The following ART1 variants were observed in gnomAD, a reference collection of about 807,000 sequenced individuals.
ART1 encodes ADP-ribosyltransferase 1, also known as GPI-linked NAD(P)(+)--arginine ADP-ribosyltransferase 1.
ART1 carries 29 observed loss-of-function variants against 27.0 expected under a neutral mutation model. That is an observed-to-expected ratio of 1.08 (90% CI 0.80 to 1.47). The LOEUF (loss-of-function observed/expected upper bound fraction) is 1.47, where lower values mean the gene tolerates loss of function less well. ART1 is among the 40% of genes most tolerant of loss of function. ART1 has a pLI of 0.00. For synonymous variants in ART1, 201 were observed against 172.2 expected (o/e 1.17, Z -1.31); for missense variants, 480 against 423.0 (o/e 1.13, Z -1.18).
chr11:3,649,191 C>G (rs1168143370), intron 1 of ART1, among the ~76,000 whole-genome samples: 1 of 152,158 alleles, frequency 6.6e-6, no homozygotes, highest in African/African-American at 2.4e-5. Context: ...GTTCCTCCGT[C>G]TCCCTTAGCC....
At chr11:3,658,809 C>A (rs1333820133) in intron 1 of ART1, among the ~76,000 whole-genome samples, 2 of 152,198 alleles carry the variant, frequency 1.3e-5, no homozygotes, top group African/African-American at 4.8e-5. Flanking sequence ...TCCTACCCCG[C>A]AAGCTCTGCC....
At chr11:3,645,253 C>A (rs962017563) in intron 1 of ART1, 74 bp downstream of exon 1, 1 of 151,922 alleles carries the variant, frequency 6.6e-6, no homozygotes, top group Non-Finnish European at 1.5e-5. Flanking sequence ...GGGAGATGAA[C>A]GGTGGAATTT....
Position 3,645,159 on chromosome 11 carries a change from C to T in ART1, c.-73C>T, listed in dbSNP as rs1462339302. ...CATGGTGGAGATCAGCAGCAGCTTC[C>T]CCACCCAGGACAAGGCCTAGGTAAG... On this transcript the variant is annotated 5_prime_UTR_variant, in exon 1 of 5. Transcript: ENST00000250693. 1 of 152,026 alleles carries T rather than the reference C, an allele frequency of 6.6e-6. No individual in the cohort carries two copies. The highest frequency in any genetic ancestry group is 6.6e-5 in the Admixed American group (1 of 15,264). 9.4% of individuals were successfully genotyped at this position (152,026 alleles called of 1,614,324 possible).
chr11:3,656,308 C>A (rs2077573836), intron 1 of ART1, among the ~76,000 whole-genome samples: 1 of 152,156 alleles, frequency 6.6e-6, no homozygotes, highest in Non-Finnish European at 1.5e-5. Flanking sequence ...CTTCAGCCTG[C>A]CGAGTTGTTG....
intron 2 of ART1, 108 bp downstream of exon 2, chr11:3,659,384 CT>C: frequency 6.6e-7 from 1 of 1,515,854 alleles, no homozygotes; most frequent in Non-Finnish European, 9.1e-7. Context: ...GACGCTTCCC[CT>C]GGGGATCACT....
At position 3,661,536 on chromosome 11, in the gene ART1, C is replaced by G. The variant is rs1425332136; in HGVS notation, c.886+123C>G. The G allele has an allele frequency of 5.4e-6, 4 of 739,638 alleles. No homozygotes were observed. The African/African-American group carries it at 7.6e-5, about 14-fold the overall frequency. The allele number at this position is 739,638 out of a possible 1,614,324, so 45.8% of individuals were successfully genotyped here. On this transcript the variant is annotated intron_variant, in intron 4 of 4. Transcript: ENST00000250693. ...TGAGACAGAGTTTCACTCTTGTTGCCCAGGCTGGAGTGCAATGGCACAATC... is the reference window on the plus strand; with the variant it reads ...TGAGACAGAGTTTCACTCTTGTTGCGCAGGCTGGAGTGCAATGGCACAATC...
intron 1 of ART1, among the ~76,000 whole-genome samples, chr11:3,645,465 T>A (rs779367378): frequency 1.1e-4 from 16 of 152,022 alleles, no homozygotes; most frequent in Non-Finnish European, 2.4e-4. Flanking sequence ...GAAGCGCAGC[T>A]CCCTTGGGCT....
intron 1 of ART1, among the ~76,000 whole-genome samples, chr11:3,654,716 T>C (rs2077555254): frequency 1.6e-5 from 1 of 63,786 alleles, no homozygotes; most frequent in Non-Finnish European, 3.0e-5. Flanking sequence ...ACATCAAGTC[T>C]TGTAAATTCC....
At position 3,660,263 on chromosome 11, in the gene ART1, C is replaced by T. The variant is rs753529163; in HGVS notation, c.744C>T (p.Thr248=). 6.2e-7 allele frequency: 1 copy of T among 1,613,152 alleles called. No homozygotes were observed. The highest frequency in any genetic ancestry group is 8.5e-7 in the Non-Finnish European group (1 of 1,180,018). The change falls in exon 3 of 5, where the codon ACC becomes ACT. Residue 248 remains threonine (T), a synonymous_variant. Transcript: ENST00000250693. ...EEEVLIPPFE[T]FQVINASRLA... ...AGGTGCTGATCCCCCCCTTTGAGAC[C>T]TTCCAAGTGATCAATGCCAGCAGAC...
intron 1 of ART1, among the ~76,000 whole-genome samples, chr11:3,656,181 G>T (rs1401136485): frequency 6.6e-6 from 1 of 151,178 alleles, no homozygotes; most frequent in Non-Finnish European, 1.5e-5. Context: ...TGATCCACCC[G>T]CCTTGGCCTC....
rs2077641153 is a variant in ART1 at position 3,663,900 on chromosome 11, A to G, written c.887-192A>G. 13 of 578,534 alleles carry G rather than the reference A, an allele frequency of 2.2e-5. No individual in the cohort carries two copies. The South Asian group carries it at 2.7e-4, about 12-fold the overall frequency. 35.8% of individuals were successfully genotyped at this position (578,534 alleles called of 1,614,324 possible). Reference sequence around the variant, plus strand: ...TAATAAGTTCTGATAACCCATTACCATTGGACCAGCTCCTCCCTAAACTTG... The same window carrying G: ...TAATAAGTTCTGATAACCCATTACCGTTGGACCAGCTCCTCCCTAAACTTG... On this transcript the variant is annotated intron_variant, in intron 4 of 4. Coordinates refer to ENST00000250693, the MANE Select transcript of ART1 (RefSeq NM_004314.3).
In ART1 at chr11:3,653,496, C is replaced by A. The variant is rs568670466; in HGVS notation, c.-52-5666C>A. Among the ~76,000 whole-genome samples the A allele has an allele frequency of 1.2e-4, 18 of 150,918 alleles. No homozygotes were observed. In the East Asian group the frequency reaches 1.9e-3, roughly 16 times the overall value. On this transcript the variant is annotated intron_variant, in intron 1 of 4. Coordinates refer to ENST00000250693, the MANE Select transcript of ART1 (RefSeq NM_004314.3). ...TTGACTGTAATTTTCCTTTATCTAC[C>A]CAAATCCTATAAAACGGACCCACCC...
Position 3,647,725 on chromosome 11 carries a change from C to T in ART1, c.-53+2546C>T, listed in dbSNP as rs562556315. Among the ~76,000 whole-genome samples, 9 of 151,860 alleles carry T rather than the reference C, an allele frequency of 5.9e-5. No homozygotes were observed. The South Asian group carries it at 1.7e-3, about 28-fold the overall frequency. On this transcript the variant is annotated intron_variant, in intron 1 of 4. Transcript: ENST00000250693. ...TGGAAGTGATGAACATGTTTATTCC[C>T]TTGATTGTGGGAATGGTAACATGAG...
At chr11:3,647,896 A>C (rs1332966096) in intron 1 of ART1, among the ~76,000 whole-genome samples, 1 of 152,134 alleles carries the variant, frequency 6.6e-6, no homozygotes, top group Non-Finnish European at 1.5e-5. Flanking sequence ...CAGTCATGTA[A>C]GAATGGTGGA....
intron 1 of ART1, among the ~76,000 whole-genome samples, chr11:3,649,232 C>T (rs1368835165): frequency 6.6e-6 from 1 of 152,180 alleles, no homozygotes; most frequent in Non-Finnish European, 1.5e-5. Context: ...ACCTCTTCAA[C>T]TCACACCTGA....
chr11:3,662,583 G>A (rs1400587883), intron 4 of ART1, among the ~76,000 whole-genome samples: 2 of 152,198 alleles, frequency 1.3e-5, no homozygotes, highest in Non-Finnish European at 2.9e-5. Context: ...GGTGGCTCAC[G>A]CCTGTAATCC....
rs1267312465 is a variant in ART1 at position 3,659,614 on chromosome 11, T to G, written c.95T>G (p.Leu32Arg). ...AGCCACCCCATCACACGACGAGACC[T>G]CTTCTCTCAAGAGATTCAGCTGGAC... is the stretch of plus-strand genomic sequence containing the variant. ...AQSHPITRRD[L>R]FSQEIQLDMA... is the part of the protein sequence containing the mutation. The change falls in exon 3 of 5, where the codon CTC (leucine) becomes CGC (arginine). Residue 32 changes from leucine (L) to arginine (R), a missense_variant. Transcript: ENST00000250693. 2.5e-6 allele frequency: 4 copies of G among 1,611,078 alleles called. No individual in the cohort carries two copies. The highest frequency in any genetic ancestry group is 3.4e-6 in the Non-Finnish European group (4 of 1,179,204).
rs200211996 is a variant in ART1 at position 3,659,949 on chromosome 11, C to G, written c.430C>G (p.His144Asp). The change falls in exon 3 of 5, where the codon CAC (histidine) becomes GAC (aspartate). Residue 144 changes from histidine (H) to aspartate (D), a missense_variant. Coordinates refer to ENST00000250693, the MANE Select transcript of ART1 (RefSeq NM_004314.3). Reference protein sequence around the residue: ...AVREAGRSRAHYLHHFSFKTL... With the variant: ...AVREAGRSRADYLHHFSFKTL... ...GCGTGAGGCGGGCCGCTCCCGGGCC[C>G]ACTACCTCCACCACTTCTCCTTCAA... 177 of 1,613,748 alleles carry G rather than the reference C, an allele frequency of 1.1e-4. No homozygotes were observed. The highest frequency in any genetic ancestry group is 1.4e-4 in the Non-Finnish European group (161 of 1,179,934).
intron 1 of ART1, among the ~76,000 whole-genome samples, chr11:3,651,545 G>A (rs2077521743): frequency 6.8e-6 from 1 of 147,546 alleles, no homozygotes; most frequent in Non-Finnish European, 1.5e-5. Flanking sequence ...CAAACAACTT[G>A]CCCTTACGTT....
Sources: gnomAD v4.1 joint callset for allele counts (sites outside exome capture counted in the v4.1 genomes callset) on GRCh38, gnomAD v4.1.1 for gene constraint, MANE v1.5 for transcripts, NCBI Gene and HGNC (gene_info 2026-07-23, HGNC 2026-07-21) for gene names.